The following LRRC4C variants were observed in gnomAD, a reference collection of about 807,000 sequenced individuals.
LRRC4C encodes the protein leucine-rich repeat-containing protein 4C.
Under a neutral mutation model 33.6 loss-of-function variants are expected in LRRC4C, and 5 were observed. The observed-to-expected ratio is 0.15, with a 90% CI of 0.08 to 0.31. The LOEUF (loss-of-function observed/expected upper bound fraction) is 0.31. Ranked by LOEUF, LRRC4C falls within the 10% of genes least tolerant of loss-of-function variation. The pLI is 1.00. For synonymous variants in LRRC4C, 329 were observed against 302.0 expected, an observed-to-expected ratio of 1.09 and a Z score of -0.93; for missense variants, 560 against 796.7, an observed-to-expected ratio of 0.70 and a Z score of 3.58.
chr11:41,035,238 T>TA (rs959965632), intron 1 of LRRC4C, among the ~76,000 whole-genome samples: 31 of 151,702 alleles, frequency 2.0e-4, no homozygotes, highest in African/African-American at 6.3e-4. Context: ...TATAAATAAA[T>TA]AAAAAATGCT....
chr11:41,047,210 A>T, intron 1 of LRRC4C, among the ~76,000 whole-genome samples: 1 of 152,102 alleles, frequency 6.6e-6, no homozygotes, highest in East Asian at 1.9e-4. Context: ...TTCGCAAAAA[A>T]TTTGAATAGA....
chr11:40,157,790 A>C (rs563689770), intron 5 of LRRC4C, among the ~76,000 whole-genome samples: 1 of 152,282 alleles, frequency 6.6e-6, no homozygotes, highest in East Asian at 1.9e-4. Context: ...TGAACAGGGA[A>C]CACTTCTACA....
chr11:40,920,789 G>A (rs1475968409), intron 2 of LRRC4C, among the ~76,000 whole-genome samples: 1 of 152,080 alleles, frequency 6.6e-6, no homozygotes, highest in African/African-American at 2.4e-5. Flanking sequence ...CTGTGAGCAT[G>A]TTACCTTGAA....
chr11:40,275,431 C>A lies in LRRC4C; in HGVS notation c.-175-33833G>T, dbSNP rs529149562. Among the ~76,000 whole-genome samples the A allele has an allele frequency of 7.9e-5, 12 of 152,210 alleles. No homozygotes were observed. The South Asian group carries it at 2.5e-3, about 32-fold the overall frequency. On this transcript the variant is annotated intron_variant, in intron 4 of 6. Transcript: ENST00000528697. Reference sequence around the variant, plus strand: ...TCCCTTGGGAAACCCTGGGAAATCTCCCCATCATATCCATACTACAGAACA... The same window carrying A: ...TCCCTTGGGAAACCCTGGGAAATCTACCCATCATATCCATACTACAGAACA...
chr11:41,253,421 T>C (rs1948704356), intron 1 of LRRC4C, among the ~76,000 whole-genome samples: 2 of 152,120 alleles, frequency 1.3e-5, no homozygotes, highest in South Asian at 2.1e-4. Flanking sequence ...GACCATTTCA[T>C]ATGAGTTCAC....
At chr11:41,009,851 C>T (rs1221691592) in intron 1 of LRRC4C, among the ~76,000 whole-genome samples, 1 of 152,018 alleles carries the variant, frequency 6.6e-6, no homozygotes, top group Non-Finnish European at 1.5e-5. Context: ...ATCCCCAGGA[C>T]TTCAAAATGT....
chr11:40,972,871 C>A lies in LRRC4C; in HGVS notation c.-495-39148G>T, dbSNP rs190189408. Among the ~76,000 whole-genome samples the A allele has an allele frequency of 1.0e-3, 153 of 152,136 alleles. 1 individual carries two copies. The highest frequency in any genetic ancestry group is 1.2e-4 in the Non-Finnish European group (8 of 67,982). On this transcript the variant is annotated intron_variant, in intron 1 of 6. Transcript: ENST00000528697. ...ATATCAGTTACTATCTGTGTCCCCA[C>A]CCAAATCTCATGTCAAATTGTAATC...
intron 2 of LRRC4C, among the ~76,000 whole-genome samples, chr11:40,657,792 G>T (rs568603332): frequency 6.6e-6 from 1 of 152,184 alleles, no homozygotes; most frequent in Non-Finnish European, 1.5e-5. Context: ...CACAGGTGAG[G>T]GTCCTCAACC....
intron 2 of LRRC4C, among the ~76,000 whole-genome samples, chr11:40,649,046 G>A (rs779105631): frequency 2.0e-5 from 3 of 152,170 alleles, no homozygotes; most frequent in Non-Finnish European, 4.4e-5. Flanking sequence ...AAGATCACAT[G>A]TTTCTGAGGA....
intron 3 of LRRC4C, among the ~76,000 whole-genome samples, chr11:40,461,248 C>T (rs79051009): frequency 0.041 from 6,174 of 152,076 alleles, 397 homozygotes; most frequent in African/African-American, 0.14. Flanking sequence ...TGGAACCTTA[C>T]AGAAAGTGTA....
At chr11:41,308,413 A>G (rs1157643950) in intron 1 of LRRC4C, among the ~76,000 whole-genome samples, 1 of 152,100 alleles carries the variant, frequency 6.6e-6, no homozygotes, top group African/African-American at 2.4e-5. Context: ...ACGTGACATT[A>G]CCATGTAACA....
chr11:41,045,764 A>G (rs1050509350), intron 1 of LRRC4C, among the ~76,000 whole-genome samples: 1 of 151,994 alleles, frequency 6.6e-6, no homozygotes, highest in African/African-American at 2.4e-5. Context: ...GTATTTTCCT[A>G]TCTCAGTGAG....
chr11:41,086,380 T>C (rs897587280), intron 1 of LRRC4C, among the ~76,000 whole-genome samples: 2 of 152,150 alleles, frequency 1.3e-5, no homozygotes, highest in African/African-American at 2.4e-5. Context: ...TGTTATTTAA[T>C]AAAAGCACTT....
At chr11:40,743,130 C>T (rs1234878496) in intron 2 of LRRC4C, among the ~76,000 whole-genome samples, 2 of 152,030 alleles carry the variant, frequency 1.3e-5, no homozygotes, top group Non-Finnish European at 2.9e-5. Flanking sequence ...GAAAATGGTA[C>T]ATTAGGAATA....
intron 2 of LRRC4C, among the ~76,000 whole-genome samples, chr11:40,927,999 A>G (rs1957467545): frequency 6.6e-6 from 1 of 152,128 alleles, no homozygotes; most frequent in Non-Finnish European, 1.5e-5. Flanking sequence ...AAGTAGATCC[A>G]TAACTTTTAT....
At chr11:41,434,156 C>T (rs1468375098) in intron 1 of LRRC4C, among the ~76,000 whole-genome samples, 2 of 152,070 alleles carry the variant, frequency 1.3e-5, no homozygotes, top group African/African-American at 2.4e-5. Flanking sequence ...TAGAAATGCA[C>T]ATCTTCAGAC....
intron 4 of LRRC4C, among the ~76,000 whole-genome samples, chr11:40,266,745 G>T (rs1447626588): frequency 6.6e-6 from 1 of 152,134 alleles, no homozygotes; most frequent in Non-Finnish European, 1.5e-5. Context: ...CCATTCAAAG[G>T]TAAGAAAACT....
At chr11:40,324,057 A>G (rs1945980272) in intron 3 of LRRC4C, among the ~76,000 whole-genome samples, 1 of 152,164 alleles carries the variant, frequency 6.6e-6, no homozygotes, top group African/African-American at 2.4e-5. Flanking sequence ...GAGAGGTGGC[A>G]AGTATGTGTG....
intron 1 of LRRC4C, among the ~76,000 whole-genome samples, chr11:40,989,797 A>G (rs527613769): frequency 6.6e-6 from 1 of 152,284 alleles, no homozygotes; most frequent in Non-Finnish European, 1.5e-5. Context: ...TGTGTTTTAA[A>G]GGTACAGTCA....
Sources: gnomAD v4.1 joint callset for allele counts (sites outside exome capture counted in the v4.1 genomes callset) on GRCh38, gnomAD v4.1.1 for gene constraint, MANE v1.5 for transcripts, NCBI Gene and HGNC (gene_info 2026-07-23, HGNC 2026-07-21) for gene names.